Variants in EFCAB6 observed in about 807,000 individuals in gnomAD.
EFCAB6 encodes the protein EF-hand calcium binding domain 6.
EFCAB6 carries 156 observed loss-of-function variants against 169.8 expected under a neutral mutation model. The observed-to-expected ratio is 0.92, with a 90% confidence interval of 0.81 to 1.05. The LOEUF (loss-of-function observed/expected upper bound fraction) is 1.05. Ranked by LOEUF, EFCAB6 falls within the 50% of genes least tolerant of loss-of-function variation. The pLI is 0.00. For synonymous variants in EFCAB6, 698 were observed against 676.4 expected (o/e 1.03, Z -0.50); for missense variants, 1,800 against 1,829.1 (o/e 0.98, Z 0.29).
intron 9 of EFCAB6, 138 bp downstream of exon 9, chr22:43,716,709 AG>A (rs2059342708): frequency 6.3e-6 from 6 of 955,290 alleles, no homozygotes; most frequent in Admixed American, 7.1e-5. Context: ...TGGGAGGTAG[AG>A]GGGGTCTCAG....
At chr22:43,639,318 T>A (rs1189329862) in intron 17 of EFCAB6, among the ~76,000 whole-genome samples, 1 of 152,230 alleles carries the variant, frequency 6.6e-6, no homozygotes, top group African/African-American at 2.4e-5. Flanking sequence ...GAAGATCCAC[T>A]TGCAATGAAT....
In EFCAB6 at chr22:43,712,704, A is replaced by G. The variant is rs534800404; in HGVS notation, c.883-1081T>C. ...CTTGGAGAGAGAAGCAAGAGGCAAG[A>G]GCCTGGTGTGTAGCGGGGGCTCGGT... On this transcript the variant is annotated intron_variant, in intron 9 of 31. Transcript: ENST00000262726. Among the ~76,000 whole-genome samples, 3 of 152,266 alleles carry G rather than the reference A, an allele frequency of 2.0e-5. 1 individual carries two copies. In the South Asian group the frequency reaches 6.2e-4, roughly 32 times the overall value.
chr22:43,576,310 C>G lies in EFCAB6; in HGVS notation c.3407G>C (p.Cys1136Ser). 1 of 1,584,584 alleles carries G rather than the reference C, an allele frequency of 6.3e-7. No homozygotes were observed. Among genetic ancestry groups the G allele is most frequent in the East Asian group, 2.3e-5 (1 of 43,660 alleles). Reference protein sequence around the residue: ...NWKYFLQNFSCFLEETADEWA... With the variant: ...NWKYFLQNFSSFLEETADEWA... ...AGACATTCTTACCTCCTCAAGGAAA[C>G]AGCTAAAGTTCTGGAGAAAATATTT... Residue 1136 changes from cysteine to serine, a missense_variant, in exon 26 of 32, where the codon TGT (cysteine) becomes TCT (serine). Cys to Ser is a moderately radical substitution (Grantham distance 112, BLOSUM62 -1). Transcript: ENST00000262726.
At chr22:43,650,126 G>T (rs780462522) in intron 17 of EFCAB6, among the ~76,000 whole-genome samples, 1 of 152,098 alleles carries the variant, frequency 6.6e-6, no homozygotes, top group Non-Finnish European at 1.5e-5. Flanking sequence ...GAGGAAATAA[G>T]GACTGGAGTT....
Position 43,602,508 on chromosome 22 carries a change from G to A in EFCAB6, c.2682-2245C>T, listed in dbSNP as rs1241566333. 2.0e-5 allele frequency among the ~76,000 whole-genome samples: 3 copies of A among 152,260 alleles called. No individual in the cohort carries two copies. The East Asian group carries it at 5.8e-4, about 29-fold the overall frequency. ...GACATACCTAGGAGGCGGAAGGGCT[G>A]ACATTTCTTGAGCTTCTAGGGTGAT... On this transcript the variant is annotated intron_variant, in intron 22 of 31. Coordinates refer to ENST00000262726, the MANE Select transcript of EFCAB6 (RefSeq NM_022785.4).
chr22:43,686,106 C>T (rs891348302), intron 11 of EFCAB6, among the ~76,000 whole-genome samples: 2 of 151,984 alleles, frequency 1.3e-5, no homozygotes, highest in Admixed American at 6.6e-5. Context: ...CTCAGCCTCC[C>T]GAGTAGCTGG....
intron 17 of EFCAB6, among the ~76,000 whole-genome samples, chr22:43,653,929 AAAT>A (rs1335690508): frequency 6.6e-6 from 1 of 152,166 alleles, no homozygotes; most frequent in African/African-American, 2.4e-5. Flanking sequence ...AGGAATAAAG[AAAT>A]AATAAAGATA....
chr22:43,769,333 GA>G, intron 4 of EFCAB6, among the ~76,000 whole-genome samples: 1 of 152,296 alleles, frequency 6.6e-6, no homozygotes, highest in South Asian at 2.1e-4. Context: ...AGATACAGTG[GA>G]AAGGAAATGG....
intron 27 of EFCAB6, among the ~76,000 whole-genome samples, chr22:43,549,063 T>C (rs1049365741): frequency 6.6e-6 from 1 of 152,192 alleles, no homozygotes; most frequent in African/African-American, 2.4e-5. Flanking sequence ...ATAAAAACTA[T>C]GGAGAACTGA....
At chr22:43,566,225 C>T (rs549361765) in intron 26 of EFCAB6, among the ~76,000 whole-genome samples, 1 of 152,298 alleles carries the variant, frequency 6.6e-6, no homozygotes, top group South Asian at 2.1e-4. Flanking sequence ...ACGCTGTTTG[C>T]ACAAGTGAGG....
At chr22:43,659,503 T>C (rs1473415765) in intron 17 of EFCAB6, among the ~76,000 whole-genome samples, 1 of 151,844 alleles carries the variant, frequency 6.6e-6, no homozygotes, top group African/African-American at 2.4e-5. Context: ...TACAAAATAA[T>C]GTAAAAATTA....
At chr22:43,618,569 G>C (rs549184044) in intron 20 of EFCAB6, among the ~76,000 whole-genome samples, 2 of 152,178 alleles carry the variant, frequency 1.3e-5, no homozygotes, top group Non-Finnish European at 2.9e-5. Context: ...AAAGTTATGA[G>C]TTTCATGGGG....
chr22:43,631,954 C>G (rs984946925), intron 19 of EFCAB6, 151 bp downstream of exon 19: 1 of 1,214,416 alleles, frequency 8.2e-7, no homozygotes, highest in African/African-American at 1.6e-5. Context: ...CATGCCTCTC[C>G]CTGACCAATG....
rs1352314105 is a variant in EFCAB6 at position 43,678,403 on chromosome 22, C to T, written c.1252-240G>A. Among the ~76,000 whole-genome samples, 3 of 149,708 alleles carry T rather than the reference C, an allele frequency of 2.0e-5. No homozygotes were observed. The East Asian group carries it at 6.1e-4, about 30-fold the overall frequency. ...TAGAACTTTCCAGGTGCAGTTCCTA[C>T]AATGTTCTCTATCAGGACATGGCTT... On this transcript the variant is annotated intron_variant, in intron 12 of 31. Coordinates refer to ENST00000262726, the MANE Select transcript of EFCAB6 (RefSeq NM_022785.4).
Position 43,546,975 on chromosome 22 carries a change from G to A in EFCAB6, c.3649-6618C>T, listed in dbSNP as rs180769253. 7.3e-4 allele frequency among the ~76,000 whole-genome samples: 111 copies of A among 152,114 alleles called. 3 individuals carry two copies. Among genetic ancestry groups the A allele is most frequent in the Admixed American group, 6.6e-3 (101 of 15,272 alleles). ...AGATATTTTCAGATAAAAACTGGGC[G>A]AACTTAAGATCATAACTAAAGGAAA... On this transcript the variant is annotated intron_variant, in intron 27 of 31. Transcript: ENST00000262726.
rs189277263 is a variant in EFCAB6, at chr22:43,771,963, G to A, written c.351+929C>T. 4.4e-3 allele frequency among the ~76,000 whole-genome samples: 674 copies of A among 152,274 alleles called. 9 individuals carry two copies. Among genetic ancestry groups the A allele is most frequent in the African/African-American group, 0.015 (642 of 41,542 alleles). On this transcript the variant is annotated intron_variant, in intron 4 of 31. Coordinates refer to ENST00000262726, the MANE Select transcript of EFCAB6 (RefSeq NM_022785.4). Reference sequence around the variant, plus strand: ...AGGCATCCAAGCTTTCACACAGGCTGTCCCCTCTGCTATAATGACCTTTCC... The same window carrying A: ...AGGCATCCAAGCTTTCACACAGGCTATCCCCTCTGCTATAATGACCTTTCC...
intron 23 of EFCAB6, among the ~76,000 whole-genome samples, chr22:43,594,275 CAAA>C (rs750560174): frequency 7.1e-4 from 58 of 81,482 alleles, no homozygotes; most frequent in Admixed American, 3.0e-3. Context: ...AACTCTGTTT[CAAA>C]AAAAAAAAAA....
At chr22:43,660,575 A>T (rs992375234) in intron 17 of EFCAB6, among the ~76,000 whole-genome samples, 30 of 151,380 alleles carry the variant, frequency 2.0e-4, no homozygotes, top group Admixed American at 1.1e-3. Flanking sequence ...TTATATATAT[A>T]TTTTTTCCAA....
chr22:43,754,130 T>C (rs190977731), intron 6 of EFCAB6, among the ~76,000 whole-genome samples: 1 of 152,354 alleles, frequency 6.6e-6, no homozygotes, highest in East Asian at 1.9e-4. Context: ...ATGAGATTCA[T>C]TTGTGTTCCT....
Sources: allele counts gnomAD v4.1 joint callset (sites outside exome capture counted in the v4.1 genomes callset), GRCh38; gene constraint gnomAD v4.1.1; transcripts MANE v1.5; gene names NCBI Gene and HGNC (gene_info 2026-07-23, HGNC 2026-07-21).